Variants in MAGI2 observed in about 807,000 individuals in gnomAD.
MAGI2 encodes the protein membrane associated guanylate kinase, WW and PDZ domain containing 2.
MAGI2 carries 35 observed loss-of-function variants against 133.3 expected under a neutral mutation model. The ratio of observed to expected loss-of-function variants is 0.26; its 90% confidence interval spans 0.20 to 0.35. The LOEUF (loss-of-function observed/expected upper bound fraction) is 0.35. Ranked by LOEUF, MAGI2 falls within the 10% of genes least tolerant of loss-of-function variation. MAGI2 has a pLI of 1.00. For synonymous variants in MAGI2, 729 were observed against 710.6 expected (o/e 1.03, Z -0.41); for missense variants, 1,636 against 1,863.4 (o/e 0.88, Z 2.25).
chr7:78,044,305 A>G (rs1452273442), intron 21 of MAGI2, among the ~76,000 whole-genome samples: 4 of 152,194 alleles, frequency 2.6e-5, no homozygotes, highest in African/African-American at 4.8e-5. Flanking sequence ...GTATAGGACT[A>G]GAGAAGAGAT....
intron 7 of MAGI2, among the ~76,000 whole-genome samples, chr7:78,360,441 T>C (rs1164047818): frequency 1.3e-5 from 2 of 152,200 alleles, no homozygotes; most frequent in African/African-American, 2.4e-5. Flanking sequence ...TTAATCTCAG[T>C]CTAAGATATG....
intron 5 of MAGI2, among the ~76,000 whole-genome samples, chr7:78,498,312 A>G: frequency 6.6e-6 from 1 of 152,164 alleles, no homozygotes; most frequent in South Asian, 2.1e-4. Flanking sequence ...TCCTTAAGAC[A>G]TGTCTTATTG....
At chr7:78,400,914 C>A (rs1026327997) in intron 6 of MAGI2, among the ~76,000 whole-genome samples, 1 of 152,058 alleles carries the variant, frequency 6.6e-6, no homozygotes, top group Non-Finnish European at 1.5e-5. Context: ...GTTCTGAGAA[C>A]CTTATCTTTC....
chr7:78,207,729 A>T (rs892505120), intron 10 of MAGI2, among the ~76,000 whole-genome samples: 2 of 152,224 alleles, frequency 1.3e-5, no homozygotes, highest in Admixed American at 1.3e-4. Flanking sequence ...CTAAGAAAAG[A>T]CCTGTCCCTT....
chr7:78,365,233 G>A (rs1478943003), intron 7 of MAGI2, among the ~76,000 whole-genome samples: 3 of 152,136 alleles, frequency 2.0e-5, no homozygotes, highest in Admixed American at 6.6e-5. Flanking sequence ...CCTGTCTCAT[G>A]AGGCTCTGCA....
intron 1 of MAGI2, among the ~76,000 whole-genome samples, chr7:79,211,636 A>C (rs1829504454): frequency 6.6e-6 from 1 of 151,900 alleles, no homozygotes; most frequent in Admixed American, 6.6e-5. Flanking sequence ...TAGAAAGATT[A>C]TAGGCAATTT....
intron 2 of MAGI2, among the ~76,000 whole-genome samples, chr7:78,973,228 T>C (rs1288914993): frequency 6.6e-6 from 1 of 151,888 alleles, no homozygotes; most frequent in Non-Finnish European, 1.5e-5. Flanking sequence ...AGCACACAAT[T>C]AGATTTTCCA....
At chr7:79,335,691 T>C (rs1840389365) in intron 1 of MAGI2, among the ~76,000 whole-genome samples, 1 of 152,072 alleles carries the variant, frequency 6.6e-6, no homozygotes, top group South Asian at 2.1e-4. Flanking sequence ...TAAATCTTTT[T>C]GACAAAATTA....
chr7:78,927,780 T>C, intron 2 of MAGI2, among the ~76,000 whole-genome samples: 1 of 151,924 alleles, frequency 6.6e-6, no homozygotes, highest in Non-Finnish European at 1.5e-5. Flanking sequence ...TTCTTCTTCC[T>C]CCATTTCTGA....
At chr7:79,297,236 T>C (rs1837007044) in intron 1 of MAGI2, among the ~76,000 whole-genome samples, 1 of 152,108 alleles carries the variant, frequency 6.6e-6, no homozygotes, top group African/African-American at 2.4e-5. Context: ...AATGTAAAAA[T>C]GTAAAAGATG....
intron 2 of MAGI2, among the ~76,000 whole-genome samples, chr7:78,724,521 A>T (rs896576299): frequency 2.0e-5 from 3 of 152,158 alleles, no homozygotes; most frequent in East Asian, 3.8e-4. Flanking sequence ...ACAGAACCCA[A>T]CTGTCTCACA....
At chr7:79,395,897 G>A (rs7808561) in intron 1 of MAGI2, among the ~76,000 whole-genome samples, 36,121 of 151,940 alleles carry the variant, frequency 0.24, 5,414 homozygotes, top group African/African-American at 0.41. Context: ...AAAGGAGACC[G>A]TCTAAAATAG....
chr7:78,831,382 A>G (rs1791135386), intron 2 of MAGI2, among the ~76,000 whole-genome samples: 1 of 152,094 alleles, frequency 6.6e-6, no homozygotes, highest in South Asian at 2.1e-4. Flanking sequence ...CAGTTCAGTT[A>G]TAAGCTCAGA....
intron 2 of MAGI2, among the ~76,000 whole-genome samples, chr7:78,648,486 T>C (rs920331117): frequency 6.6e-6 from 1 of 152,228 alleles, no homozygotes; most frequent in African/African-American, 2.4e-5. Context: ...TCTTTCACCA[T>C]CTTATCCAAC....
intron 10 of MAGI2, among the ~76,000 whole-genome samples, chr7:78,248,917 C>T (rs1792082603): frequency 6.6e-6 from 1 of 151,932 alleles, no homozygotes; most frequent in Non-Finnish European, 1.5e-5. Context: ...AATCAACAAC[C>T]TCCAAAATAG....
At chr7:78,455,179 G>A (rs1413459082) in intron 6 of MAGI2, among the ~76,000 whole-genome samples, 2 of 127,910 alleles carry the variant, frequency 1.6e-5, no homozygotes, top group Non-Finnish European at 3.1e-5. Context: ...GGGTGGGGCA[G>A]GTATATGGAA....
chr7:79,015,817 T>C (rs146190863), intron 1 of MAGI2, among the ~76,000 whole-genome samples: 1 of 152,154 alleles, frequency 6.6e-6, no homozygotes, highest in Non-Finnish European at 1.5e-5. Context: ...TTGTTATACA[T>C]GTACAGCATC....
At chr7:78,438,994 C>T (rs1176752647) in intron 6 of MAGI2, among the ~76,000 whole-genome samples, 1 of 152,164 alleles carries the variant, frequency 6.6e-6, no homozygotes. Context: ...AGGTTTATAA[C>T]GTAACTACCT....
At chr7:78,648,680 T>C (rs547508894) in intron 2 of MAGI2, among the ~76,000 whole-genome samples, 1 of 152,346 alleles carries the variant, frequency 6.6e-6, no homozygotes, top group South Asian at 2.1e-4. Context: ...TGTCAAGTGA[T>C]TTTAATGTCT....
Sources: gnomAD v4.1 joint callset for allele counts (sites outside exome capture counted in the v4.1 genomes callset) on GRCh38, gnomAD v4.1.1 for gene constraint, MANE v1.5 for transcripts, NCBI Gene and HGNC (gene_info 2026-07-23, HGNC 2026-07-21) for gene names.